Variants in IGHMBP2 observed in about 807,000 individuals in gnomAD.
IGHMBP2 encodes immunoglobulin mu DNA binding protein 2.
IGHMBP2 carries 81 observed loss-of-function variants against 96.0 expected under a neutral mutation model. The observed-to-expected ratio is 0.84, with a 90% CI of 0.71 to 1.01. The LOEUF (loss-of-function observed/expected upper bound fraction) is 1.01. Ranked by LOEUF, IGHMBP2 falls within the 50% of genes least tolerant of loss-of-function variation. IGHMBP2 has a pLI of 0.00. For synonymous variants in IGHMBP2, 557 were observed against 548.9 expected (o/e 1.01, Z -0.21); for missense variants, 1,227 against 1,306.3 (o/e 0.94, Z 0.94).
chr11:68,914,647 G>A (rs1475318885), intron 5 of IGHMBP2, among the ~76,000 whole-genome samples, 176 bp from the exon 6 acceptor site: 1 of 152,238 alleles, frequency 6.6e-6, no homozygotes, highest in Admixed American at 6.5e-5. Context: ...TTGCCTTGGG[G>A]TACCGGAAGA....
In IGHMBP2 at chr11:68,933,289, C is replaced by G. The variant is rs778515935; in HGVS notation, c.1236-10C>G. 1.2e-6 allele frequency: 2 copies of G among 1,610,234 alleles called. No individual in the cohort carries two copies. Among genetic ancestry groups the G allele is most frequent in the Non-Finnish European group, 1.7e-6 (2 of 1,179,026 alleles). On this transcript the variant is annotated splice_polypyrimidine_tract_variant and intron_variant, in intron 8 of 14. Coordinates refer to ENST00000255078, the MANE Select transcript of IGHMBP2 (RefSeq NM_002180.3). The stretch of plus-strand genomic sequence containing the variant: ...GGCCTGCCTTCCCCCTTTCTCCCTC[C>G]TGGGCGCAGGGCTGCGCTGGCAGGA...
intron 9 of IGHMBP2, 30 bp downstream of exon 9, chr11:68,933,511 A>G: frequency 6.3e-7 from 1 of 1,599,446 alleles, no homozygotes; most frequent in Non-Finnish European, 8.5e-7. Flanking sequence ...CCGCCGCCCC[A>G]TCCTTCTGCC....
chr11:68,914,475 G>T (rs137881133), intron 5 of IGHMBP2, among the ~76,000 whole-genome samples: 1 of 152,240 alleles, frequency 6.6e-6, no homozygotes, highest in African/African-American at 2.4e-5. Context: ...TGGGCAGGCT[G>T]TGGGCTCTGA....
At chr11:68,933,247 C>T in intron 8 of IGHMBP2, 52 bp from the exon 9 acceptor site, 1 of 1,556,238 alleles carries the variant, frequency 6.4e-7, no homozygotes, top group South Asian at 1.2e-5. Flanking sequence ...TGGTTCACAC[C>T]TGGACTCTGG....
intron 7 of IGHMBP2, among the ~76,000 whole-genome samples, chr11:68,920,140 A>G (rs903095206): frequency 1.1e-4 from 16 of 152,202 alleles, no homozygotes; most frequent in African/African-American, 3.9e-4. Flanking sequence ...TACCTCAAGT[A>G]AGTGGAACCA....
chr11:68,905,604 G>A (rs1459675491), intron 1 of IGHMBP2, among the ~76,000 whole-genome samples: 1 of 152,218 alleles, frequency 6.6e-6, no homozygotes, highest in Non-Finnish European at 1.5e-5. Flanking sequence ...GGTTAAGCAG[G>A]TGAGGGAGGC....
intron 8 of IGHMBP2, 156 bp from the exon 9 acceptor site, chr11:68,933,143 T>C: frequency 1.4e-6 from 1 of 716,908 alleles, no homozygotes; most frequent in Admixed American, 2.2e-5. Flanking sequence ...TTTGGGGCTG[T>C]GATTCAGCCA....
chr11:68,915,853 G>C (rs1858642358), intron 6 of IGHMBP2, among the ~76,000 whole-genome samples: 1 of 152,104 alleles, frequency 6.6e-6, no homozygotes, highest in African/African-American at 2.4e-5. Flanking sequence ...CAGAGCACTT[G>C]GTTAGTAGGT....
chr11:68,925,750 T>G (rs886342012), intron 7 of IGHMBP2, among the ~76,000 whole-genome samples: 14 of 152,306 alleles, frequency 9.2e-5, no homozygotes, highest in African/African-American at 2.6e-4. Context: ...GTTGACAGTC[T>G]TTCAGCCCTT....
At chr11:68,934,413 G>A (rs1288537190) in intron 10 of IGHMBP2, 51 bp from the exon 11 acceptor site, 3 of 1,311,244 alleles carry the variant, frequency 2.3e-6, no homozygotes, top group Non-Finnish European at 2.2e-6. Context: ...GGTGGTGGAT[G>A]CCCACTTGGG....
intron 7 of IGHMBP2, among the ~76,000 whole-genome samples, chr11:68,923,992 C>A (rs1045744472): frequency 1.3e-5 from 2 of 152,200 alleles, no homozygotes; most frequent in East Asian, 3.9e-4. Flanking sequence ...TCTGTACTCT[C>A]TCCTGGAAAC....
Position 68,937,879 on chromosome 11 carries a change from G to C in IGHMBP2, c.2612-303G>C, listed in dbSNP as rs961354112. 8 of 434,390 alleles carry C rather than the reference G, an allele frequency of 1.8e-5. No homozygotes were observed. The highest frequency in any genetic ancestry group is 4.0e-5 in the African/African-American group (2 of 50,302). The allele number at this position is 434,390 out of a possible 1,614,324, so 26.9% of individuals were successfully genotyped here. On this transcript the variant is annotated intron_variant, in intron 13 of 14. Coordinates refer to ENST00000255078, the MANE Select transcript of IGHMBP2 (RefSeq NM_002180.3). ...GAGCAGCTACTGTATGCCACGCTTTGTGCTAGAGGACAGGACTGATGCCAC... is the reference window on the plus strand; with the variant it reads ...GAGCAGCTACTGTATGCCACGCTTTCTGCTAGAGGACAGGACTGATGCCAC...
chr11:68,918,772 C>G (rs1294269960), intron 7 of IGHMBP2, among the ~76,000 whole-genome samples: 2 of 152,118 alleles, frequency 1.3e-5, no homozygotes, highest in Non-Finnish European at 2.9e-5. Flanking sequence ...TCCTAAAGTG[C>G]TAGGATTACA....
In IGHMBP2 at chr11:68,939,660, A is replaced by G. The variant is rs1239122246; in HGVS notation, c.2911A>G (p.Arg971Gly). 1.2e-6 allele frequency: 2 copies of G among 1,613,238 alleles called. No individual in the cohort carries two copies. Among genetic ancestry groups the G allele is most frequent in the East Asian group, 2.2e-5 (1 of 44,864 alleles). Residue 971 changes from arginine (R) to glycine (G), a missense_variant, in exon 15 of 15, where the codon AGG (arginine) becomes GGG (glycine). This residue lies in a region of IGHMBP2 where 703 missense variants were observed against 770.3 expected (regional missense o/e 0.91). Coordinates refer to ENST00000255078, the MANE Select transcript of IGHMBP2 (RefSeq NM_002180.3). ...CCCAGCCAAGAGGGCCCAGCTGCAG[A>G]GGAGGCTGGATAAGAAGCTGAGTGA... ...LDPAKRAQLQ[R>G]RLDKKLSELS...
At chr11:68,920,025 G>T (rs952802935) in intron 7 of IGHMBP2, among the ~76,000 whole-genome samples, 2 of 152,180 alleles carry the variant, frequency 1.3e-5, no homozygotes, top group African/African-American at 4.8e-5. Flanking sequence ...TCATCTTGCA[G>T]ACCTGAAGCT....
At position 68,936,932 on chromosome 11, in the gene IGHMBP2, C is replaced by A. The variant is rs1859563868; in HGVS notation, c.2452C>A (p.Pro818Thr). 1 of 1,603,824 alleles carries A rather than the reference C, an allele frequency of 6.2e-7. No homozygotes were observed. Among genetic ancestry groups the A allele is most frequent in the African/African-American group, 1.3e-5 (1 of 74,802 alleles). Residue 818 changes from proline (P) to threonine (T), a missense_variant, in exon 13 of 15, where the codon CCT becomes ACT. Pro to Thr is a conservative substitution (Grantham distance 38, BLOSUM62 -1). Transcript: ENST00000255078. ...CCCTACCCCTGCGCAGACAGAGCAG[C>A]CTCCCAGGGAGCAGCGTGGCCCAGA... ...VPPTPAQTEQ[P>T]PREQRGPDQP...
chr11:68,923,522 G>A (rs986433344), intron 7 of IGHMBP2, among the ~76,000 whole-genome samples: 1 of 152,110 alleles, frequency 6.6e-6, no homozygotes, highest in African/African-American at 2.4e-5. Flanking sequence ...CTTGTGCTTG[G>A]TTTTGGGAAG....
chr11:68,934,600 C>A, intron 11 of IGHMBP2, 42 bp downstream of exon 11: 3 of 1,400,194 alleles, frequency 2.1e-6, no homozygotes, highest in Non-Finnish European at 2.0e-6. Context: ...GCAGCTGGGG[C>A]TCACACAACC....
In IGHMBP2 at chr11:68,934,459, T is replaced by C. The variant is rs747717257; in HGVS notation, c.1538-5T>C. The C allele has an allele frequency of 6.2e-7, 1 of 1,602,418 alleles. No homozygotes were observed. Among genetic ancestry groups the C allele is most frequent in the Non-Finnish European group, 8.5e-7 (1 of 1,173,598 alleles). On this transcript the variant is annotated splice_region_variant and splice_polypyrimidine_tract_variant and intron_variant, in intron 10 of 14. Coordinates refer to ENST00000255078, the MANE Select transcript of IGHMBP2 (RefSeq NM_002180.3). ...GCTGCTCACCCGTTCTTTCTTTCCC[T>C]CCAGGCGAAGTCCGCCTCGTCAGTT...
Sources: gnomAD v4.1 joint callset for allele counts (sites outside exome capture counted in the v4.1 genomes callset) on GRCh38, gnomAD v4.1.1 for gene constraint, gnomAD v4.1.1 regional missense constraint, MANE v1.5 for transcripts, NCBI Gene and HGNC (gene_info 2026-07-23, HGNC 2026-07-21) for gene names.